PCDH9: variants seen among roughly 807,000 people sequenced by gnomAD.
The protein encoded by PCDH9 is protocadherin 9, also known as protocadherin-9.
A neutral mutation model predicts 70.6 loss-of-function variants in PCDH9; 24 were observed. That is an observed-to-expected ratio of 0.34 (90% CI 0.25 to 0.48). The LOEUF (loss-of-function observed/expected upper bound fraction) is 0.48. Ranked by LOEUF, PCDH9 falls within the 20% of genes least tolerant of loss-of-function variation. PCDH9 has a pLI of 0.99. For missense variants in PCDH9, 1,281 were observed against 1,503.6 expected, an observed-to-expected ratio of 0.85 and a Z score of 2.45; for synonymous variants, 562 against 558.5, an observed-to-expected ratio of 1.01 and a Z score of -0.09.
At chr13:66,746,670 A>C (rs2079369421) in intron 3 of PCDH9, among the ~76,000 whole-genome samples, 1 of 152,180 alleles carries the variant, frequency 6.6e-6, no homozygotes, top group Non-Finnish European at 1.5e-5. Context: ...TTTTTCCTAA[A>C]AGTTAACGTG....
chr13:66,894,760 G>A (rs764470571), intron 3 of PCDH9, among the ~76,000 whole-genome samples: 1 of 151,844 alleles, frequency 6.6e-6, no homozygotes, highest in Non-Finnish European at 1.5e-5. Context: ...GTTAGGATTT[G>A]TAAAACCTCT....
intron 2 of PCDH9, among the ~76,000 whole-genome samples, chr13:67,198,934 T>C (rs1311282305): frequency 6.6e-6 from 1 of 151,788 alleles, no homozygotes. Flanking sequence ...AGAATACTTA[T>C]TAATGTTAAT....
intron 3 of PCDH9, among the ~76,000 whole-genome samples, chr13:66,794,499 G>A (rs2080209722): frequency 6.6e-6 from 1 of 152,112 alleles, no homozygotes; most frequent in Non-Finnish European, 1.5e-5. Flanking sequence ...TTAGCATCTT[G>A]TCACTGAAGA....
At chr13:66,746,933 T>G (rs1034024455) in intron 3 of PCDH9, among the ~76,000 whole-genome samples, 2 of 152,170 alleles carry the variant, frequency 1.3e-5, no homozygotes, top group African/African-American at 4.8e-5. Context: ...TCCCCCAACT[T>G]TCGTGATTTG....
At chr13:66,592,536 C>T (rs535691563) in intron 4 of PCDH9, among the ~76,000 whole-genome samples, 2 of 151,740 alleles carry the variant, frequency 1.3e-5, no homozygotes, top group Admixed American at 6.6e-5. Context: ...AAAACAATCG[C>T]GTTTACCTTT....
chr13:66,400,399 C>T (rs1339335396), intron 4 of PCDH9, among the ~76,000 whole-genome samples: 1 of 152,042 alleles, frequency 6.6e-6, no homozygotes, highest in East Asian at 1.9e-4. Flanking sequence ...AAAGGAAATG[C>T]ATAAGTATGT....
chr13:67,042,522 C>G (rs936771873), intron 2 of PCDH9, among the ~76,000 whole-genome samples: 1 of 152,006 alleles, frequency 6.6e-6, no homozygotes, highest in African/African-American at 2.4e-5. Context: ...AAAACAAACA[C>G]AAAACTGGCC....
At chr13:66,863,578 C>T (rs550615875) in intron 3 of PCDH9, among the ~76,000 whole-genome samples, 2 of 152,032 alleles carry the variant, frequency 1.3e-5, no homozygotes, top group Non-Finnish European at 2.9e-5. Context: ...TTCCGCCTCC[C>T]GGGTTCACGC....
At chr13:66,910,888 G>A (rs1289516625) in intron 2 of PCDH9, among the ~76,000 whole-genome samples, 7 of 152,140 alleles carry the variant, frequency 4.6e-5, no homozygotes, top group Non-Finnish European at 1.5e-5. Flanking sequence ...TCCATTTCCT[G>A]AGAATGCGTG....
intron 4 of PCDH9, among the ~76,000 whole-genome samples, chr13:66,414,840 A>T (rs1957435178): frequency 6.6e-6 from 1 of 152,190 alleles, no homozygotes; most frequent in Non-Finnish European, 1.5e-5. Flanking sequence ...TTTGAATTTT[A>T]AGAATAAAAA....
At chr13:66,801,952 A>G (rs896335043) in intron 3 of PCDH9, among the ~76,000 whole-genome samples, 3 of 151,916 alleles carry the variant, frequency 2.0e-5, no homozygotes, top group African/African-American at 7.2e-5. Flanking sequence ...ATTAATGTGT[A>G]TGTTGAATTT....
intron 3 of PCDH9, among the ~76,000 whole-genome samples, chr13:66,726,460 A>T (rs569958543): frequency 0.017 from 2,575 of 152,284 alleles, 80 homozygotes; most frequent in African/African-American, 0.059. Flanking sequence ...ATCTGTTTAA[A>T]GCATAACATT....
intron 3 of PCDH9, among the ~76,000 whole-genome samples, chr13:66,869,430 G>C (rs1363792487): frequency 6.6e-6 from 1 of 151,986 alleles, no homozygotes; most frequent in Admixed American, 6.6e-5. Context: ...TCTCTTTGAA[G>C]AGAGGTCAAA....
rs74093530 is a variant in PCDH9, at chr13:67,025,661, G to A, written c.3037-122056C>T. Reference sequence around the variant, plus strand: ...ATAGTATATTAAAAATTACTGGGAGGAAGAGGAGGAAGATTTGAAAAAGAC... The same window carrying A: ...ATAGTATATTAAAAATTACTGGGAGAAAGAGGAGGAAGATTTGAAAAAGAC... On this transcript the variant is annotated intron_variant, in intron 2 of 4. Coordinates refer to ENST00000377865, the MANE Select transcript of PCDH9 (RefSeq NM_203487.3). 5.1e-3 allele frequency among the ~76,000 whole-genome samples: 774 copies of A among 152,164 alleles called. 2 individuals carry two copies. The highest frequency in any genetic ancestry group is 0.017 in the African/African-American group (719 of 41,544).
intron 4 of PCDH9, among the ~76,000 whole-genome samples, chr13:66,340,974 C>A (rs776740499): frequency 1.1e-4 from 16 of 152,042 alleles, no homozygotes; most frequent in Non-Finnish European, 2.1e-4. Context: ...ATTACCATTG[C>A]CCTTACATAA....
intron 3 of PCDH9, among the ~76,000 whole-genome samples, chr13:66,866,239 T>A (rs571926507): frequency 1.3e-5 from 2 of 152,158 alleles, no homozygotes; most frequent in South Asian, 4.2e-4. Context: ...TCCCAGCACT[T>A]TGGGAGGCCG....
intron 4 of PCDH9, among the ~76,000 whole-genome samples, chr13:66,432,334 G>C (rs936426831): frequency 5.3e-5 from 8 of 151,862 alleles, no homozygotes; most frequent in African/African-American, 1.9e-4. Context: ...GGAATTTGTG[G>C]CAACATGACG....
At chr13:66,856,839 T>C (rs2081403307) in intron 3 of PCDH9, among the ~76,000 whole-genome samples, 1 of 152,078 alleles carries the variant, frequency 6.6e-6, no homozygotes, top group African/African-American at 2.4e-5. Context: ...CAAAATAGCG[T>C]TTCTACAATC....
At chr13:66,410,772 G>A (rs2138322230) in intron 4 of PCDH9, among the ~76,000 whole-genome samples, 1 of 152,246 alleles carries the variant, frequency 6.6e-6, no homozygotes, top group South Asian at 2.1e-4. Context: ...AATGTTGTCA[G>A]CTACCATAGT....
Sources: gnomAD v4.1 joint callset for allele counts (sites outside exome capture counted in the v4.1 genomes callset) on GRCh38, gnomAD v4.1.1 for gene constraint, MANE v1.5 for transcripts, NCBI Gene and HGNC (gene_info 2026-07-23, HGNC 2026-07-21) for gene names.